Variants in TADA2A observed in about 807,000 individuals in gnomAD.
TADA2A encodes the protein transcriptional adaptor 2A.
TADA2A carries 38 observed loss-of-function variants against 67.4 expected under a neutral mutation model. That is an observed-to-expected ratio of 0.56 (90% CI 0.44 to 0.74). The LOEUF (loss-of-function observed/expected upper bound fraction) is 0.74, where lower values mean the gene tolerates loss of function less well. TADA2A is among the 30% of genes least tolerant of loss of function. The pLI is 0.00. For synonymous variants in TADA2A, 192 were observed against 181.6 expected, an observed-to-expected ratio of 1.06 and a Z score of -0.46; for missense variants, 454 against 547.0, an observed-to-expected ratio of 0.83 and a Z score of 1.70.
At chr17:37,431,896 G>C (rs1375493361) in intron 4 of TADA2A, among the ~76,000 whole-genome samples, 1 of 152,232 alleles carries the variant, frequency 6.6e-6, no homozygotes, top group South Asian at 2.1e-4. Flanking sequence ...TTATTTTGAA[G>C]CAAGTATCCT....
chr17:37,431,980 G>A (rs894204188), intron 4 of TADA2A, among the ~76,000 whole-genome samples: 7 of 151,566 alleles, frequency 4.6e-5, no homozygotes, highest in African/African-American at 1.5e-4. Context: ...CACATTCCCC[G>A]TCATTTCATA....
At chr17:37,459,439 C>T (rs774632538) in intron 9 of TADA2A, among the ~76,000 whole-genome samples, 2 of 151,548 alleles carry the variant, frequency 1.3e-5, no homozygotes, top group African/African-American at 2.4e-5. Context: ...TGCACCACCA[C>T]GCCTGGCTAA....
At chr17:37,428,911 T>TGGTGG (rs1254019395) in intron 4 of TADA2A, among the ~76,000 whole-genome samples, 1 of 151,364 alleles carries the variant, frequency 6.6e-6, no homozygotes, top group Non-Finnish European at 1.5e-5. Flanking sequence ...CCAGGTGTGG[T>TGGTGG]GGTGGGCGCC....
At chr17:37,408,152 G>C (rs945247242) in intron 1 of TADA2A, among the ~76,000 whole-genome samples, 2 of 152,200 alleles carry the variant, frequency 1.3e-5, no homozygotes, top group African/African-American at 4.8e-5. Context: ...CTCCCAAAGT[G>C]CTGAGATTAC....
At chr17:37,476,706 T>G in intron 15 of TADA2A, 91 bp from the exon 16 acceptor site, 1 of 1,369,418 alleles carries the variant, frequency 7.3e-7, no homozygotes. Flanking sequence ...TGGAGGTTGA[T>G]GTCACTTTAA....
At chr17:37,411,005 A>C (rs1349037810) in intron 1 of TADA2A, among the ~76,000 whole-genome samples, 2 of 152,210 alleles carry the variant, frequency 1.3e-5, no homozygotes, top group Non-Finnish European at 2.9e-5. Context: ...AAAGAAAAAT[A>C]TGTAGCATTT....
At chr17:37,412,128 A>T (rs540904813) in intron 2 of TADA2A, among the ~76,000 whole-genome samples, 1 of 151,216 alleles carries the variant, frequency 6.6e-6, no homozygotes, top group Non-Finnish European at 1.5e-5. Context: ...GGAGAATGGC[A>T]TGAACCCGGG....
intron 8 of TADA2A, among the ~76,000 whole-genome samples, chr17:37,451,813 G>A (rs1408649094): frequency 2.0e-5 from 3 of 151,392 alleles, no homozygotes; most frequent in African/African-American, 4.9e-5. Context: ...GTGAAACCCC[G>A]TCTCTACTAA....
chr17:37,437,830 G>A lies in TADA2A; in HGVS notation c.284+1G>A. On this transcript the variant is annotated splice_donor_variant, in intron 5 of 15. Transcript: ENST00000615182. LOFTEE classifies it high-confidence loss of function. Reference sequence around the variant, plus strand: ...TGATGGACTGTGGCTTTGGAAATTGGTAAGAGCTTGGTGTTAAGAGTTGTC... The same window carrying A: ...TGATGGACTGTGGCTTTGGAAATTGATAAGAGCTTGGTGTTAAGAGTTGTC... 1.2e-6 allele frequency: 2 copies of A among 1,614,050 alleles called. No homozygotes were observed. The highest frequency in any genetic ancestry group is 1.1e-5 in the South Asian group (1 of 91,068).
intron 4 of TADA2A, among the ~76,000 whole-genome samples, chr17:37,431,085 C>A (rs910940942): frequency 6.6e-6 from 1 of 151,650 alleles, no homozygotes; most frequent in African/African-American, 2.4e-5. Flanking sequence ...ATAACAAGTT[C>A]TAAGTGCCTG....
rs2053646780 is a variant in TADA2A at position 37,465,558 on chromosome 17, C to A, written c.823+17C>A. On this transcript the variant is annotated intron_variant, in intron 11 of 15. Coordinates refer to ENST00000615182, the MANE Select transcript of TADA2A (RefSeq NM_001166105.3). ...GCCATGCATGTAGGTGGTTTTTGAG[C>A]CTTGAGCAGTATTTGTGTGTGTATA... The A allele has an allele frequency of 3.1e-6, 5 of 1,613,560 alleles. No individual in the cohort carries two copies. The highest frequency in any genetic ancestry group is 1.3e-5 in the African/African-American group (1 of 74,804).
chr17:37,462,203 C>T, intron 10 of TADA2A, 82 bp downstream of exon 10: 1 of 985,304 alleles, frequency 1.0e-6, no homozygotes, highest in Non-Finnish European at 1.5e-6. Context: ...TATTGTAGTT[C>T]TTAATCCAAG....
chr17:37,464,391 A>G (rs1257505913), intron 10 of TADA2A, among the ~76,000 whole-genome samples: 3 of 152,176 alleles, frequency 2.0e-5, no homozygotes, highest in Non-Finnish European at 4.4e-5. Flanking sequence ...CTAATGGGAA[A>G]TCTTCTGGAT....
At chr17:37,473,082 C>T (rs1412659113) in intron 14 of TADA2A, among the ~76,000 whole-genome samples, 1 of 151,202 alleles carries the variant, frequency 6.6e-6, no homozygotes, top group African/African-American at 2.4e-5. Context: ...CAGTTCAGCT[C>T]CTGAGTGGCT....
intron 10 of TADA2A, among the ~76,000 whole-genome samples, chr17:37,463,622 CAT>C (rs2053597182): frequency 6.6e-6 from 1 of 151,722 alleles, no homozygotes; most frequent in Non-Finnish European, 1.5e-5. Flanking sequence ...TAGCCATCAT[CAT>C]AAGTATGTTA....
chr17:37,407,028 C>CG (rs938521509), intron 1 of TADA2A, 79 bp downstream of exon 1: 1 of 144,940 alleles, frequency 6.9e-6, no homozygotes, highest in Non-Finnish European at 1.5e-5. Flanking sequence ...TAGGGAGAAG[C>CG]GGGGGCCACG....
At position 37,419,008 on chromosome 17, in the gene TADA2A, G is replaced by A. The variant is rs901454890; in HGVS notation, c.26-4501G>A. On this transcript the variant is annotated intron_variant, in intron 2 of 15. Coordinates refer to ENST00000615182, the MANE Select transcript of TADA2A (RefSeq NM_001166105.3). The stretch of plus-strand genomic sequence containing the variant: ...TTCCTCCCAAAGTGCTGGGGTTACA[G>A]GCATGACCCACAGAGCCCAGCCTCT... 3.4e-5 allele frequency among the ~76,000 whole-genome samples: 5 copies of A among 145,976 alleles called. 1 individual carries two copies. The highest frequency in any genetic ancestry group is 1.2e-4 in the African/African-American group (5 of 40,300).
In TADA2A at chr17:37,442,503, T is replaced by C. The variant is rs188395485; in HGVS notation, c.443-61T>C. On this transcript the variant is annotated intron_variant, in intron 6 of 15. Transcript: ENST00000615182. ...AATTTTATTTATTCTTGGACTATTA[T>C]GTCATTTTTTTCATGCCAATATTGT... The C allele has an allele frequency of 2.8e-4, 348 of 1,255,216 alleles. 4 individuals carry two copies. Among genetic ancestry groups the C allele is most frequent in the South Asian group, 2.2e-3 (169 of 77,416 alleles). 77.8% of individuals were successfully genotyped at this position (1,255,216 alleles called of 1,614,324 possible). A position where few individuals can be genotyped will look rare whatever the true frequency, so the allele number is the denominator to read the frequency against.
intron 12 of TADA2A, 112 bp from the exon 13 acceptor site, chr17:37,470,288 C>T (rs2053758023): frequency 3.8e-6 from 5 of 1,321,652 alleles, no homozygotes; most frequent in Non-Finnish European, 5.2e-6. Context: ...AGCAGTTTTG[C>T]AAAGGAAACA....
Sources: allele counts gnomAD v4.1 joint callset (sites outside exome capture counted in the v4.1 genomes callset), GRCh38; gene constraint gnomAD v4.1.1; transcripts MANE v1.5; gene names NCBI Gene and HGNC (gene_info 2026-07-23, HGNC 2026-07-21).